Variants in NFASC observed in about 807,000 individuals in gnomAD.
NFASC encodes neurofascin.
Under a neutral mutation model 147.5 loss-of-function variants are expected in NFASC, and 43 were observed. The ratio of observed to expected loss-of-function variants is 0.29; its 90% CI spans 0.23 to 0.38. NFASC has a LOEUF of 0.38. Ranked by LOEUF, NFASC falls within the 10% of genes least tolerant of loss-of-function variation. NFASC has a pLI of 1.00. For missense variants in NFASC, 1,320 were observed against 1,689.0 expected (o/e 0.78, Z 3.83); for synonymous variants, 622 against 665.5 (o/e 0.93, Z 1.01).
chr1:204,988,562 C>T lies in NFASC; in HGVS notation c.2594-71C>T, dbSNP rs1224434342. 2.2e-6 allele frequency: 3 copies of T among 1,379,152 alleles called. No individual in the cohort carries two copies. In the East Asian group the frequency reaches 6.9e-5, roughly 32 times the overall value. The allele number at this position is 1,379,152 out of a possible 1,614,324, so 85.4% of individuals were successfully genotyped here. On this transcript the variant is annotated intron_variant, in intron 22 of 29. Coordinates refer to ENST00000339876, the MANE Select transcript of NFASC (RefSeq NM_001005388.3). ...CAAAGTCAGGAAAGTGTTCTTCCTC[C>T]AGCTTGCAGATTATATAACCCATCA...
intron 1 of NFASC, among the ~76,000 whole-genome samples, chr1:204,830,003 T>TGGGG (rs949737935): frequency 1.0e-5 from 1 of 96,540 alleles, no homozygotes; most frequent in African/African-American, 4.3e-5. Context: ...CATTTTGGCA[T>TGGGG]GGGGTGTGTG....
chr1:204,922,371 T>G (rs779480207), intron 2 of NFASC, among the ~76,000 whole-genome samples: 3 of 152,188 alleles, frequency 2.0e-5, no homozygotes, highest in Non-Finnish European at 2.9e-5. Flanking sequence ...CCCTGCCACC[T>G]CCTGCCTGAC....
rs143707705 is a variant in NFASC, at chr1:204,830,685, C to T, written c.-200+1903C>T. On this transcript the variant is annotated intron_variant, in intron 1 of 29. Transcript: ENST00000339876. Reference sequence around the variant, plus strand: ...AGAGAGAGAGAGAGAGAGAATTATGCCAGTAAGGAAAGAGACTCACTCCCA... The same window carrying T: ...AGAGAGAGAGAGAGAGAGAATTATGTCAGTAAGGAAAGAGACTCACTCCCA... Among the ~76,000 whole-genome samples, 96 of 149,132 alleles carry T rather than the reference C, an allele frequency of 6.4e-4. 4 individuals carry two copies. The East Asian group carries it at 0.019, about 29-fold the overall frequency.
intron 19 of NFASC, 139 bp from the exon 20 acceptor site, chr1:204,980,231 T>C (rs2150437098): frequency 1.4e-6 from 1 of 712,916 alleles, no homozygotes; most frequent in Non-Finnish European, 2.6e-6. Context: ...CTCATTTACA[T>C]ACCAGACCAA....
At chr1:204,873,860 C>T (rs540985629) in intron 1 of NFASC, among the ~76,000 whole-genome samples, 5 of 152,202 alleles carry the variant, frequency 3.3e-5, no homozygotes, top group South Asian at 2.1e-4. Context: ...GGGTGGGGTA[C>T]GGGCTGTGTC....
At chr1:204,982,387 AG>A (rs1558359045) in intron 21 of NFASC, among the ~76,000 whole-genome samples, 2 of 152,212 alleles carry the variant, frequency 1.3e-5, no homozygotes, top group Non-Finnish European at 2.9e-5. Context: ...AAGCCATACT[AG>A]TACCAAGAAA....
intron 21 of NFASC, among the ~76,000 whole-genome samples, chr1:204,983,468 C>T (rs545769490): frequency 6.6e-6 from 1 of 152,164 alleles, no homozygotes; most frequent in African/African-American, 2.4e-5. Flanking sequence ...CCACTCTGAG[C>T]CTCCATGGAC....
chr1:205,011,208 C>T (rs909880965), intron 28 of NFASC, among the ~76,000 whole-genome samples: 1 of 29,836 alleles, frequency 3.4e-5, no homozygotes, highest in African/African-American at 1.4e-4. Context: ...TCCCCCAGGA[C>T]CCCCCCCAAA....
intron 1 of NFASC, among the ~76,000 whole-genome samples, chr1:204,877,146 T>C (rs1422350804): frequency 1.4e-5 from 2 of 143,856 alleles, no homozygotes; most frequent in Non-Finnish European, 3.0e-5. Context: ...AATATATAAA[T>C]ATATATTTAA....
chr1:204,832,428 C>G (rs915705459), intron 1 of NFASC, among the ~76,000 whole-genome samples: 1 of 148,282 alleles, frequency 6.7e-6, no homozygotes, highest in Admixed American at 6.6e-5. Context: ...CACACACCTG[C>G]AAGGTGTGTG....
intron 1 of NFASC, among the ~76,000 whole-genome samples, chr1:204,877,394 G>A (rs1428456100): frequency 2.6e-5 from 4 of 152,056 alleles, no homozygotes; most frequent in Admixed American, 2.6e-4. Context: ...CTGTTGGGAA[G>A]CCGTGCTGGT....
At chr1:204,848,639 A>G (rs2102631932) in intron 1 of NFASC, among the ~76,000 whole-genome samples, 1 of 152,380 alleles carries the variant, frequency 6.6e-6, no homozygotes, top group Non-Finnish European at 1.5e-5. Context: ...AAAAGTGACA[A>G]TCAAAAAACC....
At position 204,987,845 on chromosome 1, in the gene NFASC, A is replaced by G. The variant is rs2095647341; in HGVS notation, c.2593+305A>G. ...CTTTTGTAGTCTCCAACACGTACAG[A>G]GTCTAGGAGAGAGAGTTCCTCAAGC... On this transcript the variant is annotated intron_variant, in intron 22 of 29. Coordinates refer to ENST00000339876, the MANE Select transcript of NFASC (RefSeq NM_001005388.3). This position sits in a 1 kb window ranked among gnomAD's most constrained non-coding sequence, Gnocchi z 4.4. 6.6e-6 allele frequency among the ~76,000 whole-genome samples: 1 copy of G among 152,212 alleles called. No individual in the cohort carries two copies. The highest frequency in any genetic ancestry group is 2.1e-4 in the South Asian group (1 of 4,832).
chr1:204,872,705 CCTCT>C (rs2077950159), intron 1 of NFASC, among the ~76,000 whole-genome samples: 1 of 152,116 alleles, frequency 6.6e-6, no homozygotes, highest in African/African-American at 2.4e-5. Context: ...CTTGGACAAC[CCTCT>C]CTCTGAGGCT....
At chr1:204,970,571 C>G in intron 10 of NFASC, 45 bp from the exon 11 acceptor site, 1 of 1,611,196 alleles carries the variant, frequency 6.2e-7, no homozygotes, top group Non-Finnish European at 8.5e-7. Context: ...TTCTGCCTGT[C>G]CCATGCCATC....
chr1:204,990,201 C>G (rs1241063761), intron 23 of NFASC: 2 of 152,278 alleles, frequency 1.3e-5, no homozygotes, highest in Non-Finnish European at 2.9e-5. Flanking sequence ...ACAACCAGCT[C>G]TCCCTCCTGC....
intron 1 of NFASC, among the ~76,000 whole-genome samples, chr1:204,858,978 CTTT>C (rs56763796): frequency 2.1e-5 from 3 of 139,548 alleles, no homozygotes; most frequent in Non-Finnish European, 3.1e-5. Context: ...AATGCACTGA[CTTT>C]TTTTTTTTTT....
chr1:204,923,425 C>T (rs546734010), intron 2 of NFASC, among the ~76,000 whole-genome samples: 3 of 152,286 alleles, frequency 2.0e-5, no homozygotes, highest in Admixed American at 6.5e-5. Flanking sequence ...TCCTTGTCAC[C>T]TCCCATCACG....
chr1:204,937,766 G>A (rs542544912), intron 2 of NFASC, among the ~76,000 whole-genome samples: 2 of 152,304 alleles, frequency 1.3e-5, no homozygotes, highest in South Asian at 4.1e-4. Flanking sequence ...CCACGTGCAG[G>A]TCGGTTGTGT....
Sources: gnomAD v4.1 joint callset for allele counts (sites outside exome capture counted in the v4.1 genomes callset) on GRCh38, gnomAD v4.1.1 for gene constraint, Gnocchi (gnomAD v3.1) non-coding constraint, MANE v1.5 for transcripts, NCBI Gene and HGNC (gene_info 2026-07-23, HGNC 2026-07-21) for gene names.